Variants in MGAM2 observed in about 807,000 individuals in gnomAD.
MGAM2 encodes probable maltase-glucoamylase 2.
Under a neutral mutation model 96.1 loss-of-function variants are expected in MGAM2, and 98 were observed. The observed-to-expected ratio is 1.02, with a 90% CI of 0.87 to 1.21. MGAM2 has a LOEUF of 1.21. MGAM2 is among the 50% of genes most tolerant of loss of function. The pLI is 0.00. For synonymous variants in MGAM2, 749 were observed against 414.8 expected, an observed-to-expected ratio of 1.81 and a Z score of -9.79; for missense variants, 2,055 against 1,182.4, an observed-to-expected ratio of 1.74 and a Z score of -10.82.
At chr7:142,198,543 C>T (rs1237370680) in intron 43 of MGAM2, 72 bp from the exon 44 acceptor site, 1 of 657,238 alleles carries the variant, frequency 1.5e-6, no homozygotes, top group Non-Finnish European at 2.8e-6. Flanking sequence ...AAAGGAAGGA[C>T]TTGTAATTAA....
chr7:142,194,036 C>CTTT (rs537760392), intron 37 of MGAM2, among the ~76,000 whole-genome samples: 5 of 145,294 alleles, frequency 3.4e-5, no homozygotes, highest in Non-Finnish European at 7.5e-5. Context: ...CTTTCTTCTT[C>CTTT]TTTTTTTTTT....
At chr7:142,130,140 A>G (rs147752089) in intron 3 of MGAM2, among the ~76,000 whole-genome samples, 1 of 152,354 alleles carries the variant, frequency 6.6e-6, no homozygotes, top group East Asian at 1.9e-4. Flanking sequence ...AAGAATATTT[A>G]TAATCAAACC....
In MGAM2 at chr7:142,158,036, C is replaced by A. The variant is rs772032999; in HGVS notation, c.2023C>A (p.Leu675Ile). 7.1e-6 allele frequency: 5 copies of A among 702,890 alleles called. No individual in the cohort carries two copies. The highest frequency in any genetic ancestry group is 7.8e-6 in the Non-Finnish European group (3 of 385,016). 43.5% of individuals were successfully genotyped at this position (702,890 alleles called of 1,614,324 possible). A position where few individuals can be genotyped will look rare whatever the true frequency, so the allele number is the denominator to read the frequency against. The change falls in exon 18 of 48, where the codon CTT (leucine) becomes ATT (isoleucine). Residue 675 changes from leucine (L) to isoleucine (I), a missense_variant. Physicochemically the swap from Leu to Ile is conservative, Grantham distance 5. Coordinates refer to ENST00000477922, the MANE Select transcript of MGAM2 (RefSeq NM_001293626.2). ...CACCTTGCTGCCCTATCTCTATACC[C>A]TTTTCTACCATGCTCACACCCGGGG... is the stretch of plus-strand genomic sequence containing the variant. ...RYTLLPYLYT[L>I]FYHAHTRGET...
chr7:142,170,274 A>G, intron 27 of MGAM2, 45 bp downstream of exon 27: 2 of 654,094 alleles, frequency 3.1e-6, no homozygotes, highest in Non-Finnish European at 5.6e-6. Flanking sequence ...TTCTAGATTT[A>G]ATTACAGCAG....
intron 24 of MGAM2, among the ~76,000 whole-genome samples, chr7:142,165,666 G>A (rs553357275): frequency 2.6e-4 from 40 of 152,294 alleles, no homozygotes; most frequent in Non-Finnish European, 4.7e-4. Flanking sequence ...TTTCTGTTCT[G>A]TAAAATGGAG....
In MGAM2 at chr7:142,172,204, A is replaced by G. The variant is rs1382843196; in HGVS notation, c.3448+10A>G. On this transcript the variant is annotated intron_variant, in intron 29 of 47. Coordinates refer to ENST00000477922, the MANE Select transcript of MGAM2 (RefSeq NM_001293626.2). ...AATAGCAATGCCATGGGTAAGGCAT[A>G]GGCACAGCTCCCATGCACCACCAGA... 8.5e-6 allele frequency: 6 copies of G among 708,586 alleles called. No homozygotes were observed. In the African/African-American group the frequency reaches 1.0e-4, roughly 12 times the overall value. The allele number at this position is 708,586 out of a possible 1,614,324, so 43.9% of individuals were successfully genotyped here.
chr7:142,132,298 A>G, intron 6 of MGAM2, among the ~76,000 whole-genome samples: 1 of 147,916 alleles, frequency 6.8e-6, no homozygotes, highest in Middle Eastern at 3.6e-3. Context: ...ATGTTTGCTA[A>G]GTTATATAAT....
chr7:142,166,137 C>A lies in MGAM2; in HGVS notation c.2692C>A (p.Gln898Lys), dbSNP rs552959377. 1 of 702,148 alleles carries A rather than the reference C, an allele frequency of 1.4e-6. No homozygotes were observed. Among genetic ancestry groups the A allele is most frequent in the South Asian group, 1.5e-5 (1 of 67,374 alleles). 43.5% of individuals were successfully genotyped at this position (702,148 alleles called of 1,614,324 possible). ...TGATCTCCAAGGACTGGTACTGGGA[C>A]AAGAATTCTCTATTAGGTGGAATCT... ...ITDLQGLVLGQEFSIRWNLPV... is the reference protein window; with the variant it reads ...ITDLQGLVLGKEFSIRWNLPV... The change falls in exon 25 of 48, where the codon CAA becomes AAA. Residue 898 changes from glutamine (Q) to lysine (K), a missense_variant. Physicochemically the swap from Gln to Lys is moderately conservative, Grantham distance 53. Coordinates refer to ENST00000477922, the MANE Select transcript of MGAM2 (RefSeq NM_001293626.2).
intron 37 of MGAM2, among the ~76,000 whole-genome samples, chr7:142,191,240 C>T (rs1229577755): frequency 1.3e-5 from 2 of 152,144 alleles, no homozygotes; most frequent in Non-Finnish European, 2.9e-5. Flanking sequence ...GTAAACTTTT[C>T]ACTTCCATAA....
intron 15 of MGAM2, among the ~76,000 whole-genome samples, chr7:142,149,254 T>G (rs73158442): frequency 0.58 from 88,228 of 151,554 alleles, 27,315 homozygotes; most frequent in African/African-American, 0.8. Context: ...AAAAGATACT[T>G]CTCTGCCTGG....
chr7:142,216,902 C>T (rs991694299), intron 46 of MGAM2, among the ~76,000 whole-genome samples: 3 of 152,128 alleles, frequency 2.0e-5, no homozygotes, highest in Admixed American at 1.3e-4. Flanking sequence ...AAAATCTTTC[C>T]TTACATACCT....
rs1273009119 is a variant in MGAM2, at chr7:142,131,020, C to G, written c.259C>G (p.Pro87Ala). Residue 87 changes from proline (P) to alanine (A), a missense_variant, in exon 4 of 48, where the codon CCC (proline) becomes GCC (alanine). Physicochemically the swap from Pro to Ala is conservative, Grantham distance 27. Transcript: ENST00000477922. ...TGCCAATGTCCCTAGGTGCTTCTTC[C>G]CCTGGAACTGGGGCTATGAAGCCAG... ...ADANVPRCFF[P>A]WNWGYEASNG... is the part of the protein sequence containing the mutation. The G allele has an allele frequency of 1.4e-6, 1 of 702,596 alleles. No individual in the cohort carries two copies. The highest frequency in any genetic ancestry group is 2.0e-5 in the Admixed American group (1 of 50,016). The allele number at this position is 702,596 out of a possible 1,614,324, so 43.5% of individuals were successfully genotyped here. A position where few individuals can be genotyped will look rare whatever the true frequency, so the allele number is the denominator to read the frequency against.
At chr7:142,156,327 A>G (rs1375898149) in intron 17 of MGAM2, among the ~76,000 whole-genome samples, 2 of 152,152 alleles carry the variant, frequency 1.3e-5, no homozygotes, top group Middle Eastern at 3.2e-3. Context: ...TTTTCATTCT[A>G]CTAGGTCTTC....
rs1797869424 is a variant in MGAM2, at chr7:142,219,977, C to T, written c.5466C>T (p.Thr1822=). 4 of 702,710 alleles carry T rather than the reference C, an allele frequency of 5.7e-6. No individual in the cohort carries two copies. The South Asian group carries it at 5.9e-5, about 10-fold the overall frequency. The allele number at this position is 702,710 out of a possible 1,614,324, so 43.5% of individuals were successfully genotyped here. A position where few individuals can be genotyped will look rare whatever the true frequency, so the allele number is the denominator to read the frequency against. ...TTCCTACTCCAACTAAGACAAGTAC[C>T]ATCCCAATGAGTTCTCATCCTTCTC... ...PVLPTPTKTS[T]IPMSSHPSPS... Residue 1822 remains threonine (T), a synonymous_variant, in exon 48 of 48, where the codon ACC becomes ACT. Transcript: ENST00000477922.
chr7:142,164,550 T>C (rs1795976138), intron 23 of MGAM2, among the ~76,000 whole-genome samples: 1 of 152,192 alleles, frequency 6.6e-6, no homozygotes, highest in Non-Finnish European at 1.5e-5. Flanking sequence ...TCTTATCTTT[T>C]TGTTTACTGT....
intron 15 of MGAM2, 57 bp from the exon 16 acceptor site, chr7:142,153,961 G>A (rs1426371012): frequency 2.0e-6 from 1 of 498,838 alleles, no homozygotes; most frequent in East Asian, 2.9e-5. Context: ...TTATTGTAAG[G>A]TGAGTCCTAG....
At chr7:142,169,070 T>G (rs1482762883) in intron 26 of MGAM2, among the ~76,000 whole-genome samples, 1 of 152,178 alleles carries the variant, frequency 6.6e-6, no homozygotes, top group Non-Finnish European at 1.5e-5. Flanking sequence ...TCTGCGTTCC[T>G]AACAAGCTCC....
chr7:142,190,084 AT>A (rs142755984), intron 37 of MGAM2, among the ~76,000 whole-genome samples: 15,782 of 147,058 alleles, frequency 0.11, 1,524 homozygotes, highest in African/African-American at 0.27. Context: ...AATTGTTTCC[AT>A]TTTTTTTTTG....
intron 32 of MGAM2, among the ~76,000 whole-genome samples, chr7:142,177,055 T>C (rs1385280319): frequency 2.6e-5 from 4 of 152,222 alleles, no homozygotes; most frequent in Admixed American, 6.5e-5. Flanking sequence ...TGTAGGTTTG[T>C]TACAAAAGTG....
Sources: gnomAD v4.1 joint callset for allele counts (sites outside exome capture counted in the v4.1 genomes callset) on GRCh38, gnomAD v4.1.1 for gene constraint, MANE v1.5 for transcripts, NCBI Gene and HGNC (gene_info 2026-07-23, HGNC 2026-07-21) for gene names.